The following DMXL1 variants were observed in gnomAD, a reference collection of about 807,000 sequenced individuals.
DMXL1 encodes the protein Dmx like 1.
In DMXL1, 99 loss-of-function variants were observed where a neutral mutation model predicts 319.2. The ratio of observed to expected loss-of-function variants is 0.31; its 90% confidence interval spans 0.26 to 0.37. The LOEUF is 0.37. Among genes scored for constraint, DMXL1 ranks in the 10% least tolerant of loss-of-function variants. The pLI, the probability that DMXL1 is intolerant of heterozygous loss-of-function variation, is 1.00. For synonymous variants in DMXL1, 1,385 were observed against 1,235.2 expected (o/e 1.12, Z -2.54); for missense variants, 3,745 against 3,595.6 (o/e 1.04, Z -1.06).
chr5:119,163,737 G>A (rs895858535), intron 19 of DMXL1, among the ~76,000 whole-genome samples: 1 of 152,124 alleles, frequency 6.6e-6, no homozygotes, highest in African/African-American at 2.4e-5. Flanking sequence ...TACCATGCCC[G>A]GCTAATTTTT....
intron 38 of DMXL1, among the ~76,000 whole-genome samples, chr5:119,227,741 A>G (rs1785866956): frequency 6.6e-6 from 1 of 152,020 alleles, no homozygotes; most frequent in Non-Finnish European, 1.5e-5. Flanking sequence ...TGGTAATACG[A>G]CCGATGTTTC....
chr5:119,105,812 G>A (rs975303784), intron 4 of DMXL1, among the ~76,000 whole-genome samples: 2 of 150,964 alleles, frequency 1.3e-5, no homozygotes, highest in Non-Finnish European at 1.5e-5. Context: ...CTAGAGAATC[G>A]TTTGAACCTG....
At chr5:119,191,209 T>G (rs1490140418) in intron 29 of DMXL1, among the ~76,000 whole-genome samples, 2 of 152,244 alleles carry the variant, frequency 1.3e-5, no homozygotes, top group Non-Finnish European at 2.9e-5. Flanking sequence ...CATGCAATAC[T>G]GTGCAAAACA....
chr5:119,125,060 T>G (rs1011737836), intron 9 of DMXL1, among the ~76,000 whole-genome samples: 2 of 152,220 alleles, frequency 1.3e-5, no homozygotes, highest in Non-Finnish European at 2.9e-5. Flanking sequence ...TCCTTTGCAA[T>G]AGATACATTA....
chr5:119,141,714 A>C (rs559033524), intron 13 of DMXL1, among the ~76,000 whole-genome samples: 1 of 152,170 alleles, frequency 6.6e-6, no homozygotes, highest in South Asian at 2.1e-4. Flanking sequence ...ATTCAATGCT[A>C]TTCCTATCAA....
At chr5:119,166,902 A>G (rs1773545067) in intron 22 of DMXL1, 121 bp downstream of exon 22, 4 of 713,838 alleles carry the variant, frequency 5.6e-6, no homozygotes, top group Non-Finnish European at 8.7e-6. Flanking sequence ...CAAATATCTG[A>G]AATAACTGTT....
chr5:119,191,411 G>T (rs1310208465), intron 29 of DMXL1, among the ~76,000 whole-genome samples: 2 of 152,168 alleles, frequency 1.3e-5, no homozygotes, highest in African/African-American at 2.4e-5. Flanking sequence ...GTAGTGAAGG[G>T]AGTTTGGGTC....
intron 6 of DMXL1, among the ~76,000 whole-genome samples, chr5:119,115,859 C>A (rs991208326): frequency 1.3e-5 from 2 of 152,182 alleles, no homozygotes; most frequent in South Asian, 2.1e-4. Context: ...CTGGAAAAGA[C>A]GTCCTTAATT....
At chr5:119,168,850 G>T (rs1188842465) in intron 23 of DMXL1, among the ~76,000 whole-genome samples, 2 of 151,898 alleles carry the variant, frequency 1.3e-5, no homozygotes, top group Non-Finnish European at 2.9e-5. Flanking sequence ...ACTGTGCCTG[G>T]CCCCCTTTCC....
intron 34 of DMXL1, 151 bp from the exon 35 acceptor site, chr5:119,216,750 G>C (rs982190872): frequency 1.9e-6 from 1 of 515,822 alleles, no homozygotes; most frequent in Non-Finnish European, 3.4e-6. Flanking sequence ...TTTTGTTTTA[G>C]GGATAATTAG....
chr5:119,132,271 GC>G (rs1765079816), intron 10 of DMXL1, among the ~76,000 whole-genome samples: 2 of 152,120 alleles, frequency 1.3e-5, no homozygotes, highest in Admixed American at 6.5e-5. Context: ...GGCGAAAGAG[GC>G]CCCTTTCTTG....
chr5:119,202,781 G>T (rs914276779), intron 32 of DMXL1, among the ~76,000 whole-genome samples: 2 of 150,400 alleles, frequency 1.3e-5, no homozygotes, highest in Non-Finnish European at 3.0e-5. Context: ...AACCCAGGAG[G>T]TGGAGGTTGC....
chr5:119,129,521 T>C, intron 10 of DMXL1, 98 bp downstream of exon 10: 1 of 762,002 alleles, frequency 1.3e-6, no homozygotes, highest in Non-Finnish European at 2.1e-6. Flanking sequence ...AACTTTAAAG[T>C]TGCAATGACA....
At chr5:119,128,207 A>T (rs78851227) in intron 9 of DMXL1, 3 of 421,852 alleles carry the variant, frequency 7.1e-6, no homozygotes, top group Non-Finnish European at 1.4e-5. Flanking sequence ...CTGTGAGAAG[A>T]ATCTGGATAC....
chr5:119,131,226 A>G lies in DMXL1; in HGVS notation c.1315+1803A>G, dbSNP rs552787531. On this transcript the variant is annotated intron_variant, in intron 10 of 43. Transcript: ENST00000539542. ...AATCTGGTAAACAGTCAAAACTTAA[A>G]AAAAATATATCTCTTCAGAGAAAGG... Among the ~76,000 whole-genome samples the G allele has an allele frequency of 6.6e-5, 10 of 152,172 alleles. 1 individual carries two copies. The South Asian group carries it at 1.7e-3, about 25-fold the overall frequency.
At position 119,170,135 on chromosome 5, in the gene DMXL1, A is replaced by G. The variant is rs375358711; in HGVS notation, c.5399-55A>G. On this transcript the variant is annotated intron_variant, in intron 23 of 43. Transcript: ENST00000539542. ...TAGTAGATAGAGAAAAGACACTACA[A>G]TAGAAACACACAGTTCATAACTTTT... 1.6e-4 allele frequency: 237 copies of G among 1,511,610 alleles called. 3 individuals carry two copies. The South Asian group carries it at 2.7e-3, about 18-fold the overall frequency. The allele number at this position is 1,511,610 out of a possible 1,614,324, so 93.6% of individuals were successfully genotyped here. A position where few individuals can be genotyped will look rare whatever the true frequency, so the allele number is the denominator to read the frequency against.
chr5:119,174,322 C>CA lies in DMXL1; in HGVS notation c.6682-938dup, dbSNP rs1164046847. Among the ~76,000 whole-genome samples the CA allele has an allele frequency of 2.8e-5, 4 of 144,844 alleles. No individual in the cohort carries two copies. In the East Asian group the frequency reaches 8.2e-4, roughly 30 times the overall value. ...CTTTTTGAGGTGTAGATTCGGAACT[C>CA]ACACTTCACTTCTGTTGGGTCCTCT... On this transcript the variant is annotated intron_variant, in intron 25 of 43. Transcript: ENST00000539542.
chr5:119,173,155 A>G (rs905697743), intron 25 of DMXL1, among the ~76,000 whole-genome samples: 1 of 152,106 alleles, frequency 6.6e-6, no homozygotes, highest in Non-Finnish European at 1.5e-5. Context: ...CCTGACCAAC[A>G]TGGAGAAACC....
In DMXL1 at chr5:119,189,741, A is replaced by G. The variant is rs201058300; in HGVS notation, c.7169A>G (p.Asn2390Ser). 78 of 1,613,982 alleles carry G rather than the reference A, an allele frequency of 4.8e-5. No individual in the cohort carries two copies. The highest frequency in any genetic ancestry group is 6.4e-5 in the Non-Finnish European group (75 of 1,179,976). ...SSLVEEGEKQ[N>S]KRFRPSKMSC... ...CTAGTTGAAGAAGGAGAAAAACAGAACAAACGTTTTAGGCCGTCAAAAATG... is the reference window on the plus strand; with the variant it reads ...CTAGTTGAAGAAGGAGAAAAACAGAGCAAACGTTTTAGGCCGTCAAAAATG... Residue 2390 changes from asparagine to serine, a missense_variant, in exon 29 of 44, where the codon AAC (asparagine) becomes AGC (serine). Physicochemically the swap from Asn to Ser is conservative, Grantham distance 46 (BLOSUM62 1). Transcript: ENST00000539542.
Sources: gnomAD v4.1 joint callset for allele counts (sites outside exome capture counted in the v4.1 genomes callset) on GRCh38, gnomAD v4.1.1 for gene constraint, MANE v1.5 for transcripts, NCBI Gene and HGNC (gene_info 2026-07-23, HGNC 2026-07-21) for gene names.